Variants in B3GALT2 observed in about 807,000 individuals in gnomAD.
B3GALT2 encodes the protein beta-1,3-galactosyltransferase 2, also known as UDP-Gal:betaGlcNAc beta 1,3-galactosyltransferase, polypeptide 2.
In B3GALT2, 13 loss-of-function variants were observed where a neutral mutation model predicts 33.5. The ratio of observed to expected loss-of-function variants is 0.39; its 90% CI spans 0.25 to 0.62. The LOEUF is 0.62. Among genes scored for constraint, B3GALT2 ranks in the 20% least tolerant of loss-of-function variants. The pLI, the probability that B3GALT2 is intolerant of heterozygous loss-of-function variation, is 0.53. For missense variants in B3GALT2, 418 were observed against 509.1 expected (o/e 0.82, Z 1.72); for synonymous variants, 195 against 172.7 (o/e 1.13, Z -1.01).
At chr1:193,182,325 T>C (rs910248403) in intron 1 of B3GALT2, among the ~76,000 whole-genome samples, 1 of 152,162 alleles carries the variant, frequency 6.6e-6, no homozygotes, top group African/African-American at 2.4e-5. Flanking sequence ...ATTAACACTT[T>C]CAAAAATTTT....
In B3GALT2 at chr1:193,179,784, G is replaced by T. The variant is rs1377812546; in HGVS notation, c.*510C>A. ...AACATCTGAACTTTATAATGTGTTT[G>T]TGGAATAACTCAACTAAATCTTATT... On this transcript the variant is annotated 3_prime_UTR_variant, in exon 2 of 2. Coordinates refer to ENST00000367434, the MANE Select transcript of B3GALT2 (RefSeq NM_003783.3). The T allele has an allele frequency of 6.6e-6, 1 of 152,524 alleles. No homozygotes were observed. The highest frequency in any genetic ancestry group is 1.5e-5 in the Non-Finnish European group (1 of 67,992). The allele number at this position is 152,524 out of a possible 1,614,324, so 9.4% of individuals were successfully genotyped here.
rs1263767646 is a variant in B3GALT2 at position 193,178,741 on chromosome 1, T to A, written c.*1553A>T. Among the ~76,000 whole-genome samples the A allele has an allele frequency of 6.6e-6, 1 of 152,190 alleles. No homozygotes were observed. The highest frequency in any genetic ancestry group is 1.5e-5 in the Non-Finnish European group (1 of 68,022). Reference sequence around the variant, plus strand: ...ACATAGATCAGCTCTCAGAATCACTTGATTTAGAGTAGAACACTTAGGCTA... The same window carrying A: ...ACATAGATCAGCTCTCAGAATCACTAGATTTAGAGTAGAACACTTAGGCTA... On this transcript the variant is annotated 3_prime_UTR_variant, in exon 2 of 2. Transcript: ENST00000367434.
At chr1:193,183,711 A>G (rs940419851) in intron 1 of B3GALT2, among the ~76,000 whole-genome samples, 1 of 151,856 alleles carries the variant, frequency 6.6e-6, no homozygotes, top group Admixed American at 6.6e-5. Context: ...AGTAGATATA[A>G]GGGTTATGTA....
intron 1 of B3GALT2, among the ~76,000 whole-genome samples, chr1:193,181,942 A>G (rs1184316412): frequency 6.6e-6 from 1 of 152,180 alleles, no homozygotes; most frequent in Admixed American, 6.5e-5. Context: ...GGTCATTTGT[A>G]CTTTTGACCC....
chr1:193,185,775 CTTAT>C (rs1439978730), intron 1 of B3GALT2, among the ~76,000 whole-genome samples: 1 of 152,042 alleles, frequency 6.6e-6, no homozygotes, highest in Non-Finnish European at 1.5e-5. Flanking sequence ...ACATCTTCTT[CTTAT>C]TTGCCTTTTC....
chr1:193,181,492 C>A lies in B3GALT2; in HGVS notation c.71G>T (p.Arg24Leu), dbSNP rs201702090. ...AGAAAGTACTCCAATAAGATGAGTG[C>A]GGAACAGAGACCTTTTGGCATTCCA... Reference protein sequence around the residue: ...MTWNAKRSLFRTHLIGVLSLV... With the variant: ...MTWNAKRSLFLTHLIGVLSLV... The change falls in exon 2 of 2, where the codon CGC becomes CTC. Residue 24 changes from arginine (R) to leucine (L), a missense_variant. Arg to Leu is a moderately radical substitution (Grantham distance 102). Transcript: ENST00000367434. 1 of 1,613,048 alleles carries A rather than the reference C, an allele frequency of 6.2e-7. No homozygotes were observed. Among genetic ancestry groups the A allele is most frequent in the Non-Finnish European group, 8.5e-7 (1 of 1,179,610 alleles).
chr1:193,180,255 A>G lies in B3GALT2; in HGVS notation c.*39T>C. On this transcript the variant is annotated 3_prime_UTR_variant, in exon 2 of 2. Coordinates refer to ENST00000367434, the MANE Select transcript of B3GALT2 (RefSeq NM_003783.3). ...GTTCTAACTATACATGCTTTTAGCA[A>G]TATTTACAAATTGCACATTTGAAAA... is the stretch of plus-strand genomic sequence containing the variant. 6.6e-7 allele frequency: 1 copy of G among 1,506,650 alleles called. No individual in the cohort carries two copies. 93.3% of individuals were successfully genotyped at this position (1,506,650 alleles called of 1,614,324 possible).
chr1:193,182,668 G>A (rs1676736954), intron 1 of B3GALT2, among the ~76,000 whole-genome samples: 1 of 152,108 alleles, frequency 6.6e-6, no homozygotes, highest in Admixed American at 6.5e-5. Flanking sequence ...AATATGTGAG[G>A]TTCATGATGG....
Position 193,179,638 on chromosome 1 carries a change from C to T in B3GALT2, c.*656G>A, listed in dbSNP as rs771835753. On this transcript the variant is annotated 3_prime_UTR_variant, in exon 2 of 2. Coordinates refer to ENST00000367434, the MANE Select transcript of B3GALT2 (RefSeq NM_003783.3). ...CACATTAGTTTTTCACATTTTACCA[C>T]GTCATGTCAAAATAATTTTCCCCCA... The T allele has an allele frequency of 3.3e-5, 5 of 152,394 alleles. No individual in the cohort carries two copies. The highest frequency in any genetic ancestry group is 6.6e-5 in the Admixed American group (1 of 15,262). 9.4% of individuals were successfully genotyped at this position (152,394 alleles called of 1,614,324 possible).
At chr1:193,181,983 G>C (rs1369851142) in intron 1 of B3GALT2, among the ~76,000 whole-genome samples, 1 of 152,084 alleles carries the variant, frequency 6.6e-6, no homozygotes, top group Non-Finnish European at 1.5e-5. Flanking sequence ...GAATGTATTC[G>C]AGAAAAATGT....
chr1:193,182,424 A>G (rs967776225), intron 1 of B3GALT2, among the ~76,000 whole-genome samples: 3 of 152,114 alleles, frequency 2.0e-5, no homozygotes, highest in Admixed American at 2.0e-4. Flanking sequence ...AGTGTCTTTG[A>G]TTATCTATGG....
rs1205657252 is a variant in B3GALT2, at chr1:193,180,697, T to C, written c.866A>G (p.Asn289Ser). ...GTACCACTTGCTATCTTTGTTTCGA[T>C]TGGGTGCATATCCTCGCATTAGGTA... The part of the protein sequence containing the change: ...TGYLMRGYAP[N>S]RNKDSKWYMP... The change falls in exon 2 of 2, where the codon AAT becomes AGT. Residue 289 changes from asparagine to serine, a missense_variant. By Grantham distance (46) the Asn-to-Ser change is conservative. Coordinates refer to ENST00000367434, the MANE Select transcript of B3GALT2 (RefSeq NM_003783.3). 4 of 1,613,988 alleles carry C rather than the reference T, an allele frequency of 2.5e-6. No homozygotes were observed. The highest frequency in any genetic ancestry group is 2.5e-6 in the Non-Finnish European group (3 of 1,179,956).
At chr1:193,182,402 A>G (rs1210497835) in intron 1 of B3GALT2, among the ~76,000 whole-genome samples, 1 of 152,180 alleles carries the variant, frequency 6.6e-6, no homozygotes, top group Admixed American at 6.5e-5. Context: ...TAATTTTAAA[A>G]TACAGCATGT....
Position 193,180,049 on chromosome 1 carries a change from T to C in B3GALT2, c.*245A>G. 3.2e-6 allele frequency: 1 copy of C among 310,816 alleles called. No homozygotes were observed. Among genetic ancestry groups the C allele is most frequent in the Non-Finnish European group, 5.8e-6 (1 of 172,462 alleles). 19.3% of individuals were successfully genotyped at this position (310,816 alleles called of 1,614,324 possible). On this transcript the variant is annotated 3_prime_UTR_variant, in exon 2 of 2. Transcript: ENST00000367434. ...GAACCATTGATTTATGCATGCTTGTTATTGCATGTTAATACACAGAATCTC... is the reference window on the plus strand; with the variant it reads ...GAACCATTGATTTATGCATGCTTGTCATTGCATGTTAATACACAGAATCTC...
intron 1 of B3GALT2, among the ~76,000 whole-genome samples, chr1:193,185,057 T>G (rs1323213637): frequency 6.6e-6 from 1 of 152,060 alleles, no homozygotes; most frequent in South Asian, 2.1e-4. Flanking sequence ...TGCACACACA[T>G]ATAGTGGCGG....
chr1:193,182,145 C>G (rs1676727492), intron 1 of B3GALT2, among the ~76,000 whole-genome samples: 1 of 152,076 alleles, frequency 6.6e-6, no homozygotes, highest in Non-Finnish European at 1.5e-5. Context: ...AGTTGTGGGA[C>G]AGACGGTGCA....
rs1353228984 is a variant in B3GALT2, at chr1:193,180,976, T to A, written c.587A>T (p.Lys196Met). ...TGCACGTTGAAGGTAGCCATTTAGCTTAATACTTAAGCCCAACAAAAATAT... is the reference window on the plus strand; with the variant it reads ...TGCACGTTGAAGGTAGCCATTTAGCATAATACTTAAGCCCAACAAAAATAT... ...TRIFLLGLSI[K>M]LNGYLQRAIL... The change falls in exon 2 of 2, where the codon AAG becomes ATG. Residue 196 changes from lysine (K) to methionine (M), a missense_variant. This residue lies in a region of B3GALT2 where 226 missense variants were observed against 293.9 expected (regional missense o/e 0.77). Coordinates refer to ENST00000367434, the MANE Select transcript of B3GALT2 (RefSeq NM_003783.3). The A allele has an allele frequency of 6.2e-7, 1 of 1,613,398 alleles. No individual in the cohort carries two copies. Among genetic ancestry groups the A allele is most frequent in the Non-Finnish European group, 8.5e-7 (1 of 1,179,978 alleles).
intron 1 of B3GALT2, among the ~76,000 whole-genome samples, 173 bp from the exon 2 acceptor site, chr1:193,181,855 TA>T (rs1676722977): frequency 6.6e-6 from 1 of 152,176 alleles, no homozygotes; most frequent in African/African-American, 2.4e-5. Context: ...TTAATTTATT[TA>T]AAAATATACC....
At position 193,182,657 on chromosome 1, in the gene B3GALT2, C is replaced by T. The variant is rs548002889; in HGVS notation, c.-120-975G>A. 2.2e-4 allele frequency among the ~76,000 whole-genome samples: 34 copies of T among 152,162 alleles called. 1 individual carries two copies. The highest frequency in any genetic ancestry group is 7.7e-4 in the African/African-American group (32 of 41,514). ...ATATTTTAAAAAGGTTATGAGATGG[C>T]AATATGTGAGGTTCATGATGGCATA... On this transcript the variant is annotated intron_variant, in intron 1 of 1. Coordinates refer to ENST00000367434, the MANE Select transcript of B3GALT2 (RefSeq NM_003783.3).
Sources: allele counts gnomAD v4.1 joint callset (sites outside exome capture counted in the v4.1 genomes callset), GRCh38; gene constraint gnomAD v4.1.1; regional missense constraint gnomAD v4.1.1; transcripts MANE v1.5; gene names NCBI Gene and HGNC (gene_info 2026-07-23, HGNC 2026-07-21).